ABCB10: variants seen among roughly 807,000 people sequenced by gnomAD.
The protein encoded by ABCB10 is ATP binding cassette subfamily B member 10.
Under a neutral mutation model 65.4 loss-of-function variants are expected in ABCB10, and 54 were observed. The observed-to-expected ratio is 0.83, with a 90% CI of 0.66 to 1.04. The LOEUF (loss-of-function observed/expected upper bound fraction) is 1.04, where lower values mean the gene tolerates loss of function less well. Among genes scored for constraint, ABCB10 ranks in the 50% least tolerant of loss-of-function variants. The probability of loss-of-function intolerance (pLI) is 0.00; values close to 1 mark genes in which losing one functional copy is unlikely to be tolerated. For synonymous variants in ABCB10, 418 were observed against 406.5 expected (o/e 1.03, Z -0.34); for missense variants, 846 against 976.6 (o/e 0.87, Z 1.78).
chr1:229,525,889 G>A (rs373174329), intron 10 of ABCB10, 47 bp downstream of exon 10: 2 of 1,547,978 alleles, frequency 1.3e-6, no homozygotes, highest in East Asian at 4.6e-5. Context: ...CATGTGAAAA[G>A]TTCTTTGGAT....
At chr1:229,541,987 AATAGTG>A (rs1662860373) in intron 4 of ABCB10, among the ~76,000 whole-genome samples, 1 of 152,098 alleles carries the variant, frequency 6.6e-6, no homozygotes, top group African/African-American at 2.4e-5. Flanking sequence ...AAAGAAAAGA[AATAGTG>A]ATAGTAACAA....
intron 1 of ABCB10, among the ~76,000 whole-genome samples, chr1:229,550,958 G>T (rs1663099190): frequency 6.6e-6 from 1 of 151,890 alleles, no homozygotes; most frequent in Non-Finnish European, 1.5e-5. Context: ...TTTTTTAAAA[G>T]ATAGTGATGG....
At chr1:229,540,573 C>A (rs371187300) in intron 5 of ABCB10, 33 bp downstream of exon 5, 19 of 1,576,724 alleles carry the variant, frequency 1.2e-5, no homozygotes, top group Non-Finnish European at 1.6e-5. Flanking sequence ...CTAACATTTG[C>A]CAATTTTACT....
At chr1:229,528,908 A>C (rs1446196167) in intron 8 of ABCB10, among the ~76,000 whole-genome samples, 1 of 152,180 alleles carries the variant, frequency 6.6e-6, no homozygotes, top group Non-Finnish European at 1.5e-5. Context: ...TACAGGGAAG[A>C]TAGAAGTAAA....
At chr1:229,550,525 C>CAAAAAAAAAAAAAAAAAAAA (rs60323914) in intron 1 of ABCB10, among the ~76,000 whole-genome samples, 9 of 63,542 alleles carry the variant, frequency 1.4e-4, no homozygotes, top group African/African-American at 5.2e-4. Context: ...ATGCTGTCTC[C>CAAAAAAAAAAAAAAAAAAAA]AAAAAAAAAA....
At chr1:229,547,880 A>G (rs1251967660) in intron 2 of ABCB10, among the ~76,000 whole-genome samples, 179 bp from the exon 3 acceptor site, 13 of 152,180 alleles carry the variant, frequency 8.5e-5, no homozygotes, top group Non-Finnish European at 1.5e-4. Context: ...CAAACCAGGC[A>G]CATTAACTGT....
chr1:229,550,728 T>C (rs12069430), intron 1 of ABCB10, among the ~76,000 whole-genome samples: 1 of 149,388 alleles, frequency 6.7e-6, no homozygotes, highest in Non-Finnish European at 1.5e-5. Flanking sequence ...GCCAGGTGTG[T>C]TGGTGCGCAC....
intron 6 of ABCB10, among the ~76,000 whole-genome samples, chr1:229,536,886 G>A (rs893699791): frequency 6.6e-6 from 1 of 151,760 alleles, no homozygotes; most frequent in Admixed American, 6.6e-5. Flanking sequence ...GAGCCCAGGA[G>A]GTCAAGGCTG....
intron 2 of ABCB10, among the ~76,000 whole-genome samples, chr1:229,548,051 G>GAA (rs1663012694): frequency 6.6e-6 from 1 of 150,538 alleles, no homozygotes; most frequent in Non-Finnish European, 1.5e-5. Context: ...ACCCAGGCCT[G>GAA]AATGAAGTGG....
At chr1:229,551,545 T>C (rs892275528) in intron 1 of ABCB10, among the ~76,000 whole-genome samples, 2 of 152,228 alleles carry the variant, frequency 1.3e-5, no homozygotes, top group African/African-American at 2.4e-5. Flanking sequence ...AATTCTTCAA[T>C]AGCCTAAGCA....
At chr1:229,533,266 G>A (rs1036046036) in intron 6 of ABCB10, among the ~76,000 whole-genome samples, 1 of 152,062 alleles carries the variant, frequency 6.6e-6, no homozygotes, top group Admixed American at 6.6e-5. Context: ...TGGGATTACA[G>A]GTGCCCCCCA....
chr1:229,517,783 C>G lies in ABCB10; in HGVS notation c.*396G>C, dbSNP rs1458665300. ...GTAGAATACTACCAGAAGAATTACA[C>G]AGTGATTGGTAAACTGGCCTAAAAT... On this transcript the variant is annotated 3_prime_UTR_variant, in exon 13 of 13. Transcript: ENST00000344517. 6.0e-6 allele frequency: 1 copy of G among 166,830 alleles called. No individual in the cohort carries two copies. The highest frequency in any genetic ancestry group is 2.4e-5 in the African/African-American group (1 of 41,632). 10.3% of individuals were successfully genotyped at this position (166,830 alleles called of 1,614,324 possible).
At chr1:229,538,565 C>G (rs1437996320) in intron 6 of ABCB10, among the ~76,000 whole-genome samples, 1 of 152,126 alleles carries the variant, frequency 6.6e-6, no homozygotes, top group Admixed American at 6.6e-5. Flanking sequence ...CCCAAACCAG[C>G]CAGCACCCCA....
At chr1:229,539,316 G>A in intron 6 of ABCB10, 140 bp downstream of exon 6, 2 of 1,293,180 alleles carry the variant, frequency 1.5e-6, no homozygotes, top group Non-Finnish European at 2.2e-6. Context: ...TTCTTTAAAA[G>A]CCCAGTTGGA....
At position 229,518,200 on chromosome 1, in the gene ABCB10, T is replaced by C; in HGVS notation, c.2196A>G (p.Lys732=). ...TTCCTTATGCTGAAATAAAACTTTG[T>C]TTGTTCATTAGTTTTCTGTATATCC... ...PNGIYRKLMN[K]QSFISA The change falls in exon 13 of 13, where the codon AAA becomes AAG. Residue 732 remains lysine (K), a synonymous_variant. Transcript: ENST00000344517. The C allele has an allele frequency of 6.2e-7, 1 of 1,613,842 alleles. No individual in the cohort carries two copies. The highest frequency in any genetic ancestry group is 1.1e-5 in the South Asian group (1 of 91,060).
At chr1:229,524,689 C>A (rs975679409) in intron 10 of ABCB10, among the ~76,000 whole-genome samples, 1 of 152,166 alleles carries the variant, frequency 6.6e-6, no homozygotes, top group Non-Finnish European at 1.5e-5. Context: ...GCCTCACAGC[C>A]GTGAGTCTAT....
chr1:229,543,249 G>C (rs1662894290), intron 3 of ABCB10, among the ~76,000 whole-genome samples: 1 of 152,010 alleles, frequency 6.6e-6, no homozygotes, highest in Non-Finnish European at 1.5e-5. Context: ...ACTGAAGTCA[G>C]CAGGATGGAT....
chr1:229,551,344 T>G (rs1205104320), intron 1 of ABCB10, among the ~76,000 whole-genome samples: 2 of 152,194 alleles, frequency 1.3e-5, no homozygotes, highest in Non-Finnish European at 2.9e-5. Flanking sequence ...GCTCCTACCT[T>G]TCAGCATTCT....
At chr1:229,531,941 T>G in intron 6 of ABCB10, 1 of 374,074 alleles carries the variant, frequency 2.7e-6, no homozygotes. Flanking sequence ...CTCCTCCAGT[T>G]TCATAGTTTT....
Sources: gnomAD v4.1 joint callset for allele counts (sites outside exome capture counted in the v4.1 genomes callset) on GRCh38, gnomAD v4.1.1 for gene constraint, MANE v1.5 for transcripts, NCBI Gene and HGNC (gene_info 2026-07-23, HGNC 2026-07-21) for gene names.